Variants in VPS13B observed in about 807,000 individuals in gnomAD.
VPS13B encodes the protein vacuolar protein sorting 13 homolog B.
VPS13B carries 285 observed loss-of-function variants against 426.4 expected under a neutral mutation model. The observed-to-expected ratio is 0.67, with a 90% CI of 0.61 to 0.74. VPS13B has a LOEUF of 0.74. Ranked by LOEUF, VPS13B falls within the 30% of genes least tolerant of loss-of-function variation. The pLI is 0.00. For synonymous variants in VPS13B, 1,676 were observed against 1,676.4 expected (o/e 1.00, Z 0.01); for missense variants, 4,537 against 4,782.6 (o/e 0.95, Z 1.51).
At chr8:99,274,365 G>A (rs1164392705) in intron 18 of VPS13B, 33 bp downstream of exon 18, 1 of 1,613,808 alleles carries the variant, frequency 6.2e-7, no homozygotes, top group African/African-American at 1.3e-5. Flanking sequence ...AAACTTTATT[G>A]CCTGTATAGG....
At chr8:99,803,161 G>A (rs1368356781) in intron 43 of VPS13B, among the ~76,000 whole-genome samples, 1 of 152,154 alleles carries the variant, frequency 6.6e-6, no homozygotes, top group Non-Finnish European at 1.5e-5. Flanking sequence ...TAGAATTGAT[G>A]CATCAATAGG....
In VPS13B at chr8:99,051,828, G is replaced by A. The variant is rs546020487; in HGVS notation, c.291+13262G>A. 2.6e-5 allele frequency among the ~76,000 whole-genome samples: 4 copies of A among 152,242 alleles called. No homozygotes were observed. The East Asian group carries it at 5.8e-4, about 22-fold the overall frequency. ...GAGTTCACTCATTATTTGTCTTTCT[G>A]TTTGTCTGTTACTGGTGTATAAGAA... On this transcript the variant is annotated intron_variant, in intron 3 of 61. Transcript: ENST00000357162.
chr8:99,181,343 C>T lies in VPS13B; in HGVS notation c.2333+11180C>T, dbSNP rs139004393. ...AAATATGCTTGCACAGGTAAAAAGG[C>T]TGGGCTATTGCTAAACTGTTTGTGA... On this transcript the variant is annotated intron_variant, in intron 16 of 61. Transcript: ENST00000357162. 3.4e-3 allele frequency among the ~76,000 whole-genome samples: 525 copies of T among 152,200 alleles called. 4 individuals carry two copies. Among genetic ancestry groups the T allele is most frequent in the Non-Finnish European group, 5.0e-3 (343 of 67,980 alleles).
At chr8:99,167,767 G>T (rs1271551633) in intron 15 of VPS13B, among the ~76,000 whole-genome samples, 1 of 152,080 alleles carries the variant, frequency 6.6e-6, no homozygotes, top group Non-Finnish European at 1.5e-5. Flanking sequence ...TTTATTTAAT[G>T]AGATGTGTAA....
chr8:99,690,407 G>A (rs1034836698), intron 35 of VPS13B, among the ~76,000 whole-genome samples: 2 of 152,064 alleles, frequency 1.3e-5, no homozygotes, highest in South Asian at 4.1e-4. Flanking sequence ...ATGGTTTCTT[G>A]GTATGACACC....
At chr8:99,757,849 A>G (rs1810720026) in intron 39 of VPS13B, among the ~76,000 whole-genome samples, 1 of 152,258 alleles carries the variant, frequency 6.6e-6, no homozygotes. Flanking sequence ...GTCCTGTCAA[A>G]TAATGGATAG....
chr8:99,161,964 C>T (rs1355204148), intron 15 of VPS13B, among the ~76,000 whole-genome samples: 5 of 152,068 alleles, frequency 3.3e-5, no homozygotes, highest in African/African-American at 1.2e-4. Context: ...AACTCTTGGC[C>T]TCAAATTGAT....
intron 3 of VPS13B, among the ~76,000 whole-genome samples, chr8:99,084,039 C>T (rs1845631945): frequency 6.6e-6 from 1 of 152,162 alleles, no homozygotes; most frequent in Admixed American, 6.5e-5. Context: ...ATGGTACCAA[C>T]TCCTCCTTGT....
rs144093241 is a variant in VPS13B, at chr8:99,591,720, A to C, written c.5220+14087A>C. On this transcript the variant is annotated intron_variant, in intron 33 of 61. Transcript: ENST00000357162. ...CTTGCAGGGTTTCTGCCAAGAGATCAGCTGTTAGTCTGATGGGCTTCGCTT... is the reference window on the plus strand; with the variant it reads ...CTTGCAGGGTTTCTGCCAAGAGATCCGCTGTTAGTCTGATGGGCTTCGCTT... Among the ~76,000 whole-genome samples the C allele has an allele frequency of 2.1e-3, 315 of 152,182 alleles. 5 individuals are homozygous for C. In the East Asian group the frequency reaches 0.037, roughly 18 times the overall value.
rs766069998 is a variant in VPS13B, at chr8:99,687,709, T to C, written c.6047-11816T>C. On this transcript the variant is annotated intron_variant, in intron 35 of 61. Transcript: ENST00000357162. ...TGCCACACAGCCACCCTTGCGGAGA[T>C]GGAATAGGGTTGGCATCCACAGTTC... is the stretch of plus-strand genomic sequence containing the variant. 4.7e-4 allele frequency among the ~76,000 whole-genome samples: 71 copies of C among 152,044 alleles called. 1 individual carries two copies. The highest frequency in any genetic ancestry group is 7.6e-4 in the Non-Finnish European group (52 of 68,024).
chr8:99,767,603 A>G (rs1811291887), intron 40 of VPS13B, among the ~76,000 whole-genome samples: 1 of 151,098 alleles, frequency 6.6e-6, no homozygotes, highest in Admixed American at 6.6e-5. Flanking sequence ...ATAAAGTTTT[A>G]TCCACCTATA....
intron 51 of VPS13B, among the ~76,000 whole-genome samples, chr8:99,827,564 T>G (rs560264498): frequency 6.6e-6 from 1 of 151,948 alleles, no homozygotes; most frequent in South Asian, 2.1e-4. Flanking sequence ...TTGAAGAGTT[T>G]TTTATGTCTT....
Position 99,115,845 on chromosome 8 carries a change from A to G in VPS13B, c.908A>G (p.His303Arg), listed in dbSNP as rs1157527106. 2 of 1,613,522 alleles carry G rather than the reference A, an allele frequency of 1.2e-6. No homozygotes were observed. Among genetic ancestry groups the G allele is most frequent in the Middle Eastern group, 1.7e-4 (1 of 6,012 alleles). Residue 303 changes from histidine (H) to arginine (R), a missense_variant, in exon 7 of 62, where the codon CAT becomes CGT. Physicochemically the swap from His to Arg is conservative, Grantham distance 29. This residue lies in a region of VPS13B where 4,311 missense variants were observed against 4,474.3 expected (regional missense o/e 0.96). Transcript: ENST00000357162. ...GGCGAAATAGAGGACCTTACTTGTC[A>G]TAATAAAGATATGCTAGGAAACATT... is the stretch of plus-strand genomic sequence containing the variant. ...KEGEIEDLTCHNKDMLGNITG... is the reference protein window; with the variant it reads ...KEGEIEDLTCRNKDMLGNITG...
intron 33 of VPS13B, among the ~76,000 whole-genome samples, chr8:99,618,066 G>A (rs894677888): frequency 6.6e-6 from 1 of 152,028 alleles, no homozygotes; most frequent in African/African-American, 2.4e-5. Flanking sequence ...ACCTCATGGA[G>A]AACTGCAGTT....
At chr8:99,295,448 C>T (rs1819980607) in intron 19 of VPS13B, among the ~76,000 whole-genome samples, 1 of 152,096 alleles carries the variant, frequency 6.6e-6, no homozygotes, top group East Asian at 1.9e-4. Context: ...TATGAAAACT[C>T]CTTGACTTAT....
chr8:99,532,256 C>T (rs1193755789), intron 30 of VPS13B, among the ~76,000 whole-genome samples: 1 of 152,124 alleles, frequency 6.6e-6, no homozygotes, highest in Non-Finnish European at 1.5e-5. Context: ...TTTTTGCAGA[C>T]ATTTGCTAAT....
chr8:99,419,670 T>C (rs1816266411), intron 21 of VPS13B, among the ~76,000 whole-genome samples: 1 of 152,200 alleles, frequency 6.6e-6, no homozygotes, highest in African/African-American at 2.4e-5. Context: ...ATGATTTTCT[T>C]CTTGATGACT....
At chr8:99,387,293 C>A (rs971653383) in intron 20 of VPS13B, among the ~76,000 whole-genome samples, 1 of 152,088 alleles carries the variant, frequency 6.6e-6, no homozygotes, top group African/African-American at 2.4e-5. Context: ...TCACAGGTCA[C>A]TGCAGCCTTA....
chr8:99,685,058 A>G (rs1279079078), intron 35 of VPS13B, among the ~76,000 whole-genome samples: 2 of 152,164 alleles, frequency 1.3e-5, no homozygotes, highest in African/African-American at 4.8e-5. Flanking sequence ...GCCTTGGCCT[A>G]CCAAAGGGCT....
Sources: allele counts gnomAD v4.1 joint callset (sites outside exome capture counted in the v4.1 genomes callset), GRCh38; gene constraint gnomAD v4.1.1; regional missense constraint gnomAD v4.1.1; transcripts MANE v1.5; gene names NCBI Gene and HGNC (gene_info 2026-07-23, HGNC 2026-07-21).